The following TDRP variants were observed in gnomAD, a reference collection of about 807,000 sequenced individuals.
TDRP encodes the protein testis development related protein, also known as testis development-related protein.
In TDRP, 12 loss-of-function variants were observed where a neutral mutation model predicts 10.5. The ratio of observed to expected loss-of-function variants is 1.15; its 90% CI spans 0.73 to 1.86. The LOEUF is 1.86. Among genes scored for constraint, TDRP ranks in the 40% most tolerant of loss-of-function variants. The probability of loss-of-function intolerance (pLI) is 0.00; values close to 1 mark genes in which losing one functional copy is unlikely to be tolerated. For missense variants in TDRP, 353 were observed against 229.2 expected (o/e 1.54, Z -3.49); for synonymous variants, 139 against 95.4 (o/e 1.46, Z -2.67).
At chr8:535,416 G>A (rs1802319197) in intron 1 of TDRP, among the ~76,000 whole-genome samples, 1 of 152,238 alleles carries the variant, frequency 6.6e-6, no homozygotes, top group Middle Eastern at 3.4e-3. Flanking sequence ...CAGCTAACGT[G>A]GGGTGAAGGA....
intron 1 of TDRP, among the ~76,000 whole-genome samples, chr8:507,543 C>T (rs1026338284): frequency 3.3e-5 from 5 of 152,130 alleles, no homozygotes; most frequent in East Asian, 1.9e-4. Flanking sequence ...CATGCGGTCA[C>T]GGACAGAGGA....
intron 1 of TDRP, among the ~76,000 whole-genome samples, chr8:528,904 AGGT>A (rs1265459470): frequency 6.6e-5 from 10 of 152,108 alleles, no homozygotes; most frequent in Non-Finnish European, 1.3e-4. Context: ...CACAATCACA[AGGT>A]CCCACAACAG....
chr8:519,164 A>C (rs895504720), intron 1 of TDRP, among the ~76,000 whole-genome samples: 1 of 152,198 alleles, frequency 6.6e-6, no homozygotes, highest in African/African-American at 2.4e-5. Context: ...TTAAAAAGCT[A>C]AATGACAGAG....
At chr8:530,892 T>C (rs1253147658) in intron 1 of TDRP, among the ~76,000 whole-genome samples, 5 of 152,202 alleles carry the variant, frequency 3.3e-5, no homozygotes, top group Non-Finnish European at 7.4e-5. Context: ...CTCCTGACTG[T>C]GCTGAGCTGT....
At chr8:518,640 G>A (rs927746552) in intron 1 of TDRP, among the ~76,000 whole-genome samples, 14 of 152,042 alleles carry the variant, frequency 9.2e-5, no homozygotes, top group Non-Finnish European at 1.9e-4. Flanking sequence ...ACCAGTTAAA[G>A]AGTTATTCCT....
chr8:502,046 C>G (rs1801318861), intron 1 of TDRP, among the ~76,000 whole-genome samples: 1 of 152,212 alleles, frequency 6.6e-6, no homozygotes, highest in Non-Finnish European at 1.5e-5. Context: ...GGCCCCAGGC[C>G]TCTTCTTGGC....
chr8:542,658 A>T (rs1231044294), intron 1 of TDRP, among the ~76,000 whole-genome samples: 1 of 152,050 alleles, frequency 6.6e-6, no homozygotes, highest in Non-Finnish European at 1.5e-5. Flanking sequence ...TGAGATCATG[A>T]GTTCGAGACC....
chr8:536,477 G>C (rs1802350632), intron 1 of TDRP, among the ~76,000 whole-genome samples: 2 of 152,286 alleles, frequency 1.3e-5, no homozygotes, highest in South Asian at 4.1e-4. Context: ...CTCAGATAAA[G>C]CAACCTGTTT....
intron 1 of TDRP, among the ~76,000 whole-genome samples, chr8:514,758 T>A (rs192313564): frequency 6.6e-6 from 1 of 151,986 alleles, no homozygotes; most frequent in African/African-American, 2.4e-5. Context: ...TCCAGCTCTA[T>A]AGGGGAAGGC....
chr8:518,191 CAGGGAAGGT>C (rs528574061), intron 1 of TDRP, among the ~76,000 whole-genome samples: 191 of 152,234 alleles, frequency 1.3e-3, no homozygotes, highest in Non-Finnish European at 1.7e-3. Flanking sequence ...ATGTTGGTAG[CAGGGAAGGT>C]AGGGAAGGTA....
intron 1 of TDRP, among the ~76,000 whole-genome samples, chr8:498,885 TTCTC>T (rs34931074): frequency 3.9e-4 from 59 of 150,854 alleles, no homozygotes; most frequent in South Asian, 6.3e-4. Context: ...CACCTCCCTG[TTCTC>T]TCTCTCTCTC....
At chr8:524,897 T>A (rs1336826721) in intron 1 of TDRP, among the ~76,000 whole-genome samples, 1 of 152,136 alleles carries the variant, frequency 6.6e-6, no homozygotes, top group Non-Finnish European at 1.5e-5. Context: ...AGAAAGTTTA[T>A]TCAAAGGGAG....
intron 1 of TDRP, among the ~76,000 whole-genome samples, chr8:523,026 C>T (rs1039826665): frequency 6.6e-6 from 1 of 152,110 alleles, no homozygotes; most frequent in African/African-American, 2.4e-5. Context: ...AAAGTAATTA[C>T]TGATAGGGTA....
At chr8:494,297 C>G (rs1585132054) in intron 2 of TDRP, among the ~76,000 whole-genome samples, 197 bp downstream of exon 2, 1 of 152,068 alleles carries the variant, frequency 6.6e-6, no homozygotes, top group East Asian at 1.9e-4. Flanking sequence ...ATGTTAACTC[C>G]GAAGCACACA....
chr8:497,595 T>C (rs1801171396), intron 1 of TDRP, among the ~76,000 whole-genome samples: 3 of 152,114 alleles, frequency 2.0e-5, no homozygotes, highest in South Asian at 4.1e-4. Context: ...ACCCTGCAAA[T>C]GGTAGAAAAG....
chr8:492,082 A>T lies in TDRP; in HGVS notation c.*317T>A. 1.7e-6 allele frequency: 2 copies of T among 1,167,434 alleles called. No individual in the cohort carries two copies. Among genetic ancestry groups the T allele is most frequent in the Non-Finnish European group, 2.1e-6 (2 of 947,750 alleles). 72.3% of individuals were successfully genotyped at this position (1,167,434 alleles called of 1,614,324 possible). A position where few individuals can be genotyped will look rare whatever the true frequency, so the allele number is the denominator to read the frequency against. ...TACAACACAGAGCAGCATGAAAATCATTTTGTGAGAAACTGCAAATCATTA... is the reference window on the plus strand; with the variant it reads ...TACAACACAGAGCAGCATGAAAATCTTTTTGTGAGAAACTGCAAATCATTA... On this transcript the variant is annotated 3_prime_UTR_variant, in exon 3 of 3. Coordinates refer to ENST00000324079, the MANE Select transcript of TDRP (RefSeq NM_001384899.1).
At chr8:543,268 G>A (rs1278769918) in intron 1 of TDRP, among the ~76,000 whole-genome samples, 2 of 151,914 alleles carry the variant, frequency 1.3e-5, no homozygotes, top group African/African-American at 4.8e-5. Flanking sequence ...AGCCGAGATT[G>A]CGCCACTGCA....
intron 1 of TDRP, among the ~76,000 whole-genome samples, chr8:496,986 C>A (rs182373497): frequency 2.0e-5 from 3 of 152,356 alleles, no homozygotes; most frequent in South Asian, 4.1e-4. Flanking sequence ...CCCAGCCATA[C>A]AGAACTGTAA....
chr8:514,761 G>T (rs1385516354), intron 1 of TDRP, among the ~76,000 whole-genome samples: 1 of 152,034 alleles, frequency 6.6e-6, no homozygotes, highest in Non-Finnish European at 1.5e-5. Flanking sequence ...AGCTCTATAG[G>T]GGAAGGCCCA....
Sources: gnomAD v4.1 joint callset for allele counts (sites outside exome capture counted in the v4.1 genomes callset) on GRCh38, gnomAD v4.1.1 for gene constraint, MANE v1.5 for transcripts, NCBI Gene and HGNC (gene_info 2026-07-23, HGNC 2026-07-21) for gene names.